Variants in FHIP1A observed in about 807,000 individuals in gnomAD.
FHIP1A encodes the protein FHF complex subunit HOOK-interacting protein 1A.
FHIP1A carries 61 observed loss-of-function variants against 88.6 expected under a neutral mutation model. The ratio of observed to expected loss-of-function variants is 0.69; its 90% CI spans 0.56 to 0.85. The LOEUF is 0.85. Among genes scored for constraint, FHIP1A ranks in the 40% least tolerant of loss-of-function variants. FHIP1A has a pLI of 0.00. For missense variants in FHIP1A, 1,154 were observed against 1,273.5 expected, an observed-to-expected ratio of 0.91 and a Z score of 1.43; for synonymous variants, 478 against 496.0, an observed-to-expected ratio of 0.96 and a Z score of 0.48.
intron 3 of FHIP1A, among the ~76,000 whole-genome samples, chr4:151,502,867 C>CT (rs1445974070): frequency 6.6e-6 from 1 of 152,146 alleles, no homozygotes; most frequent in Non-Finnish European, 1.5e-5. Context: ...TCACGCAGTC[C>CT]TTACATTGTT....
chr4:151,430,046 TATA>T (rs1379315658), intron 1 of FHIP1A, among the ~76,000 whole-genome samples: 4 of 152,170 alleles, frequency 2.6e-5, no homozygotes, highest in African/African-American at 9.7e-5. Context: ...TGGGCATTTT[TATA>T]ATAAGAAGTG....
chr4:151,434,340 A>G (rs922128693), intron 1 of FHIP1A, among the ~76,000 whole-genome samples: 1 of 152,224 alleles, frequency 6.6e-6, no homozygotes, highest in Non-Finnish European at 1.5e-5. Context: ...TACTTACTAT[A>G]TGAATGAGAT....
rs1294484893 is a variant in FHIP1A, at chr4:151,595,111, T to C, written c.978+6185T>C. Among the ~76,000 whole-genome samples the C allele has an allele frequency of 2.3e-4, 35 of 152,240 alleles. 2 individuals are homozygous for C. Among genetic ancestry groups the C allele is most frequent in the Admixed American group, 2.2e-3 (34 of 15,284 alleles). On this transcript the variant is annotated intron_variant, in intron 7 of 13. Coordinates refer to ENST00000435205, the MANE Select transcript of FHIP1A (RefSeq NM_001109977.3). ...CTTGCTTCTCTAGTTCTTTTCATTGTGATGTTAGGGTGTCAGTTTTAGATC... is the reference window on the plus strand; with the variant it reads ...CTTGCTTCTCTAGTTCTTTTCATTGCGATGTTAGGGTGTCAGTTTTAGATC...
intron 3 of FHIP1A, among the ~76,000 whole-genome samples, chr4:151,486,941 C>G (rs1730108731): frequency 1.3e-5 from 2 of 149,744 alleles, no homozygotes; most frequent in African/African-American, 4.9e-5. Context: ...GCACTCCAGC[C>G]TAGGCAACAA....
intron 3 of FHIP1A, among the ~76,000 whole-genome samples, chr4:151,502,809 T>C (rs774679808): frequency 3.3e-5 from 5 of 152,254 alleles, no homozygotes; most frequent in Non-Finnish European, 7.3e-5. Context: ...AAAAACACTC[T>C]ACTGGCTGCA....
At chr4:151,509,759 T>TTG (rs113966280) in intron 3 of FHIP1A, among the ~76,000 whole-genome samples, 61,553 of 146,936 alleles carry the variant, frequency 0.42, 12,873 homozygotes, top group Non-Finnish European at 0.48. Flanking sequence ...GTCTCTATGT[T>TTG]TGTGTGTGTG....
At chr4:151,518,954 C>G (rs1267494920) in intron 3 of FHIP1A, among the ~76,000 whole-genome samples, 1 of 152,008 alleles carries the variant, frequency 6.6e-6, no homozygotes, top group Non-Finnish European at 1.5e-5. Flanking sequence ...CCCAAAGGCT[C>G]GAGCCACCGC....
At chr4:151,586,169 G>A (rs1266543811) in intron 5 of FHIP1A, among the ~76,000 whole-genome samples, 2 of 152,124 alleles carry the variant, frequency 1.3e-5, no homozygotes, top group African/African-American at 4.8e-5. Context: ...TCCAATGTAT[G>A]TGACTTTCTG....
chr4:151,648,522 G>A (rs763645009), intron 10 of FHIP1A, among the ~76,000 whole-genome samples: 7 of 152,072 alleles, frequency 4.6e-5, no homozygotes, highest in Non-Finnish European at 7.3e-5. Flanking sequence ...ATGAAGAGAC[G>A]TGAGGCTTGC....
chr4:151,412,017 C>T (rs888015206), intron 1 of FHIP1A, among the ~76,000 whole-genome samples: 1 of 152,136 alleles, frequency 6.6e-6, no homozygotes, highest in African/African-American at 2.4e-5. Flanking sequence ...TTTCATGTAC[C>T]ATGTTTGTGC....
At chr4:151,473,686 TATCCTGAC>T (rs1168889977) in intron 2 of FHIP1A, among the ~76,000 whole-genome samples, 1 of 152,234 alleles carries the variant, frequency 6.6e-6, no homozygotes, top group East Asian at 1.9e-4. Flanking sequence ...CTCCTTTCAC[TATCCTGAC>T]AGCTGAGAAA....
At chr4:151,506,613 C>T (rs530780005) in intron 3 of FHIP1A, among the ~76,000 whole-genome samples, 5 of 152,068 alleles carry the variant, frequency 3.3e-5, no homozygotes, top group South Asian at 4.2e-4. Flanking sequence ...GAGGGAGTAC[C>T]GGGCTTTTTT....
intron 3 of FHIP1A, among the ~76,000 whole-genome samples, chr4:151,537,070 G>A (rs570983421): frequency 7.2e-5 from 11 of 152,036 alleles, no homozygotes; most frequent in African/African-American, 2.4e-4. Context: ...TAGAGACAGA[G>A]TTTCACCATT....
intron 3 of FHIP1A, among the ~76,000 whole-genome samples, chr4:151,516,361 T>G (rs1465043725): frequency 2.0e-5 from 3 of 151,836 alleles, no homozygotes; most frequent in Non-Finnish European, 2.9e-5. Flanking sequence ...GAAGAAAACC[T>G]AGGCATTACC....
In FHIP1A at chr4:151,665,100, G is replaced by A. The variant is rs924386357; in HGVS notation, c.*2346G>A. Among the ~76,000 whole-genome samples, 2 of 152,088 alleles carry A rather than the reference G, an allele frequency of 1.3e-5. No homozygotes were observed. Among genetic ancestry groups the A allele is most frequent in the Non-Finnish European group, 2.9e-5 (2 of 68,020 alleles). On this transcript the variant is annotated 3_prime_UTR_variant, in exon 14 of 14. Coordinates refer to ENST00000435205, the MANE Select transcript of FHIP1A (RefSeq NM_001109977.3). ...AGTGATCCTCCCACCTCAGCCTTCCGAGTAGCTGGGAATATAGGAACGTGC... is the reference window on the plus strand; with the variant it reads ...AGTGATCCTCCCACCTCAGCCTTCCAAGTAGCTGGGAATATAGGAACGTGC...
chr4:151,617,108 C>A (rs570161193), intron 7 of FHIP1A, among the ~76,000 whole-genome samples: 10 of 152,200 alleles, frequency 6.6e-5, no homozygotes, highest in Middle Eastern at 3.4e-3. Flanking sequence ...GGGACAGGCT[C>A]AATCCCAAGC....
At chr4:151,472,397 G>A (rs1320020643) in intron 2 of FHIP1A, among the ~76,000 whole-genome samples, 1 of 151,902 alleles carries the variant, frequency 6.6e-6, no homozygotes, top group East Asian at 1.9e-4. Context: ...AAAGTTAATT[G>A]ACTCAACACT....
Position 151,649,838 on chromosome 4 carries a change from T to TGA in FHIP1A, c.1798_1799dup (p.Asp600GlufsTer22), listed in dbSNP as rs1736944291. On this transcript the variant is annotated frameshift_variant, in exon 11 of 14. Transcript: ENST00000435205. LOFTEE classifies it high-confidence loss of function. ...CTGACGTGGGCTCCCCAGGGCCTTA[T>TGA]GATGATCTGGAGGTTTCAGGCCCCC... The TGA allele has an allele frequency of 6.4e-7, 1 of 1,551,550 alleles. No individual in the cohort carries two copies. Among genetic ancestry groups the TGA allele is most frequent in the South Asian group, 1.2e-5 (1 of 84,054 alleles).
chr4:151,597,132 T>A (rs1204621911), intron 7 of FHIP1A, among the ~76,000 whole-genome samples: 1 of 152,208 alleles, frequency 6.6e-6, no homozygotes, highest in Non-Finnish European at 1.5e-5. Flanking sequence ...TTCAGCCTTT[T>A]TTGTGCTGAT....
Sources: allele counts gnomAD v4.1 joint callset (sites outside exome capture counted in the v4.1 genomes callset), GRCh38; gene constraint gnomAD v4.1.1; transcripts MANE v1.5; gene names NCBI Gene and HGNC (gene_info 2026-07-23, HGNC 2026-07-21).